The following PCDHGA10 variants were observed in gnomAD, a reference collection of about 807,000 sequenced individuals.
PCDHGA10 encodes protocadherin gamma-A10.
A neutral mutation model predicts 59.5 loss-of-function variants in PCDHGA10; 42 were observed. That is an observed-to-expected ratio of 0.71 (90% CI 0.55 to 0.91). PCDHGA10 has a LOEUF of 0.91. Among genes scored for constraint, PCDHGA10 ranks in the 40% least tolerant of loss-of-function variants. PCDHGA10 has a pLI of 0.00. For missense variants in PCDHGA10, 1,111 were observed against 1,198.2 expected (o/e 0.93, Z 1.07); for synonymous variants, 511 against 517.2 (o/e 0.99, Z 0.16).
At position 141,489,193 on chromosome 5, in the gene PCDHGA10, G is replaced by A; in HGVS notation, c.2437-5614G>A. The A allele has an allele frequency of 2.2e-6, 3 of 1,369,230 alleles. No individual in the cohort carries two copies. Among genetic ancestry groups the A allele is most frequent in the Non-Finnish European group, 3.0e-6 (3 of 1,000,290 alleles). 84.8% of individuals were successfully genotyped at this position (1,369,230 alleles called of 1,614,324 possible). On this transcript the variant is annotated intron_variant, in intron 1 of 3. Coordinates refer to ENST00000398610, the MANE Select transcript of PCDHGA10 (RefSeq NM_018913.3). The surrounding 1 kb of genome is among the most constrained non-coding windows in gnomAD (Gnocchi z 4.5). ...GCATTCCAAGCCCTGGGTCTACCTT[G>A]GAGACAGGACAGCACAGACTTACTC...
chr5:141,508,919 C>T (rs1166086266), intron 3 of PCDHGA10, among the ~76,000 whole-genome samples: 1 of 151,996 alleles, frequency 6.6e-6, no homozygotes, highest in Non-Finnish European at 1.5e-5. Context: ...GATCTGGCTT[C>T]CTTTTGGAGT....
intron 1 of PCDHGA10, chr5:141,423,760 G>A: frequency 1.1e-5 from 3 of 279,660 alleles, no homozygotes; most frequent in Non-Finnish European, 1.1e-5. Flanking sequence ...TGGGGGGGGG[G>A]TGGGGCGGCA....
At chr5:141,448,480 C>A (rs889742803) in intron 1 of PCDHGA10, among the ~76,000 whole-genome samples, 1 of 152,184 alleles carries the variant, frequency 6.6e-6, no homozygotes, top group Admixed American at 6.6e-5. Flanking sequence ...ACCCTTGCTT[C>A]CTCCTGTCCC....
chr5:141,509,785 C>T (rs1445220885), intron 3 of PCDHGA10, among the ~76,000 whole-genome samples: 1 of 152,166 alleles, frequency 6.6e-6, no homozygotes, highest in African/African-American at 2.4e-5. Context: ...CCGAGATCAT[C>T]ATCTCCTCAG....
In PCDHGA10 at chr5:141,414,421, A is replaced by AGGGAACAG. The variant is rs1486483287; in HGVS notation, c.1248_1255dup (p.Val419GlyfsTer11). On this transcript the variant is annotated frameshift_variant, in exon 1 of 4. Transcript: ENST00000398610. LOFTEE classifies it high-confidence loss of function. Reference sequence around the variant, plus strand: ...ATTGGTGATACACAGAGCCCTTGACAGGGAACAGGTATCCTCTTACAATAT... The same window carrying AGGGAACAG: ...ATTGGTGATACACAGAGCCCTTGACAGGGAACAGGGGAACAGGTATCCTCTTACAATAT... 6.2e-7 allele frequency: 1 copy of AGGGAACAG among 1,613,776 alleles called. No homozygotes were observed. The highest frequency in any genetic ancestry group is 8.5e-7 in the Non-Finnish European group (1 of 1,179,880).
In PCDHGA10 at chr5:141,414,732, T is replaced by G; in HGVS notation, c.1557T>G (p.Tyr519Ter). 1 of 1,614,186 alleles carries G rather than the reference T, an allele frequency of 6.2e-7. No homozygotes were observed. The highest frequency in any genetic ancestry group is 8.5e-7 in the Non-Finnish European group (1 of 1,180,018). Residue 519 changes from tyrosine (Y) to a stop codon, truncating the protein, a stop_gained, in exon 1 of 4, where the codon TAT becomes TAG. Transcript: ENST00000398610. LOFTEE classifies it high-confidence loss of function. The part of the protein sequence containing the change: ...ISINSDTGVL[Y>*]ALRSFDYEQF... ...TCAACTCAGACACTGGCGTCCTGTA[T>G]GCACTCAGATCCTTCGACTATGAGC...
rs148558897 is a variant in PCDHGA10, at chr5:141,489,890, G to A, written c.2437-4917G>A. On this transcript the variant is annotated intron_variant, in intron 1 of 3. Coordinates refer to ENST00000398610, the MANE Select transcript of PCDHGA10 (RefSeq NM_018913.3). The surrounding 1 kb of genome is among the most constrained non-coding windows in gnomAD (Gnocchi z 4.5). Reference sequence around the variant, plus strand: ...CAGCTGGTGCTTACTGCTGTGGATGGGGGGACCCCAGCCCGCTCAGGGACC... The same window carrying A: ...CAGCTGGTGCTTACTGCTGTGGATGAGGGGACCCCAGCCCGCTCAGGGACC... 6.2e-7 allele frequency: 1 copy of A among 1,614,198 alleles called. No homozygotes were observed. The highest frequency in any genetic ancestry group is 8.5e-7 in the Non-Finnish European group (1 of 1,180,028).
intron 1 of PCDHGA10, among the ~76,000 whole-genome samples, chr5:141,470,598 G>A (rs2099234276): frequency 6.6e-6 from 1 of 152,184 alleles, no homozygotes; most frequent in Admixed American, 6.5e-5. Flanking sequence ...GGCGACCTGT[G>A]CGGGGACACA....
In PCDHGA10 at chr5:141,476,533, A is replaced by G; in HGVS notation, c.2437-18274A>G. 6.2e-7 allele frequency: 1 copy of G among 1,614,184 alleles called. No individual in the cohort carries two copies. Among genetic ancestry groups the G allele is most frequent in the Non-Finnish European group, 8.5e-7 (1 of 1,180,022 alleles). On this transcript the variant is annotated intron_variant, in intron 1 of 3. Transcript: ENST00000398610. The surrounding 1 kb of genome is among the most constrained non-coding windows in gnomAD (Gnocchi z 7.6). ...ACAATCCTGCTTTCCCTACCCAGGA[A>G]ATGAAATTGGAGATTAGCGAGGCCG...
At chr5:141,497,878 C>T (rs553853040) in intron 2 of PCDHGA10, among the ~76,000 whole-genome samples, 32 of 152,256 alleles carry the variant, frequency 2.1e-4, no homozygotes, top group Non-Finnish European at 3.5e-4. Flanking sequence ...GTGAAATAAG[C>T]GTTAGGATCT....
In PCDHGA10 at chr5:141,476,258, G is replaced by A. The variant is rs1247889010; in HGVS notation, c.2437-18549G>A. 1 of 1,614,018 alleles carries A rather than the reference G, an allele frequency of 6.2e-7. No individual in the cohort carries two copies. Among genetic ancestry groups the A allele is most frequent in the South Asian group, 1.1e-5 (1 of 91,066 alleles). Reference sequence around the variant, plus strand: ...GGAAAGAGAGAAGGGTTTCGCTGTGGGCAACGTGGTCGCGAACCTTGGTTT... The same window carrying A: ...GGAAAGAGAGAAGGGTTTCGCTGTGAGCAACGTGGTCGCGAACCTTGGTTT... On this transcript the variant is annotated intron_variant, in intron 1 of 3. Coordinates refer to ENST00000398610, the MANE Select transcript of PCDHGA10 (RefSeq NM_018913.3). This position sits in a 1 kb window ranked among gnomAD's most constrained non-coding sequence, Gnocchi z 7.6.
intron 1 of PCDHGA10, among the ~76,000 whole-genome samples, chr5:141,449,339 G>T (rs1307731679): frequency 6.6e-6 from 1 of 151,930 alleles, no homozygotes; most frequent in Non-Finnish European, 1.5e-5. Context: ...AGGTGCAGTG[G>T]CTCACTCCTG....
chr5:141,510,817 T>C, intron 3 of PCDHGA10, 130 bp from the exon 4 acceptor site: 2 of 1,551,592 alleles, frequency 1.3e-6, no homozygotes, highest in African/African-American at 2.7e-5. Flanking sequence ...GTGACCCCTA[T>C]ATTCCCAGTG....
chr5:141,428,324 T>C, intron 1 of PCDHGA10: 1 of 642,806 alleles, frequency 1.6e-6, no homozygotes, highest in Non-Finnish European at 2.8e-6. Flanking sequence ...TTGGCCTTGA[T>C]TTCTATGCTC....
At position 141,432,395 on chromosome 5, in the gene PCDHGA10, G is replaced by A; in HGVS notation, c.2436+16784G>A. 6.2e-7 allele frequency: 1 copy of A among 1,614,240 alleles called. No individual in the cohort carries two copies. ...CGGGCACCCGCCCCTCAGCAGCAAC[G>A]TGTCGTTGAGCCTGTTCGTGCTGGA... On this transcript the variant is annotated intron_variant, in intron 1 of 3. Coordinates refer to ENST00000398610, the MANE Select transcript of PCDHGA10 (RefSeq NM_018913.3). This position sits in a 1 kb window ranked among gnomAD's most constrained non-coding sequence, Gnocchi z 6.0.
Position 141,510,999 on chromosome 5 carries a change from G to C in PCDHGA10, c.2637G>C (p.Leu879Phe). Residue 879 changes from leucine (L) to phenylalanine (F), a missense_variant, in exon 4 of 4, where the codon TTG (leucine) becomes TTC (phenylalanine). Coordinates refer to ENST00000398610, the MANE Select transcript of PCDHGA10 (RefSeq NM_018913.3). ...GAGGGGGTGCCGGCACCATGGGATT[G>C]AGCGCCCGCTACGGACCCCAGTTCA... ...TLGGGAGTMG[L>F]SARYGPQFTL... 6.2e-7 allele frequency: 1 copy of C among 1,614,144 alleles called. No homozygotes were observed. Among genetic ancestry groups the C allele is most frequent in the Non-Finnish European group, 8.5e-7 (1 of 1,180,008 alleles).
Position 141,489,624 on chromosome 5 carries a change from C to T in PCDHGA10, c.2437-5183C>T. 1 of 1,614,088 alleles carries T rather than the reference C, an allele frequency of 6.2e-7. No homozygotes were observed. On this transcript the variant is annotated intron_variant, in intron 1 of 3. Transcript: ENST00000398610. The surrounding 1 kb of genome is among the most constrained non-coding windows in gnomAD (Gnocchi z 4.5). Reference sequence around the variant, plus strand: ...AGGTAGAGATCCTGGATCTCAATGACAACTCTCCTAGCTTTGCCACCCCTG... The same window carrying T: ...AGGTAGAGATCCTGGATCTCAATGATAACTCTCCTAGCTTTGCCACCCCTG...
chr5:141,430,720 T>G, intron 1 of PCDHGA10: 1 of 1,486,390 alleles, frequency 6.7e-7, no homozygotes, highest in East Asian at 2.4e-5. Flanking sequence ...ACTTCAGTGG[T>G]TAAGGGCAGA....
rs762979829 is a variant in PCDHGA10, at chr5:141,432,863, T to A, written c.2436+17252T>A. 1 of 1,614,074 alleles carries A rather than the reference T, an allele frequency of 6.2e-7. No individual in the cohort carries two copies. Among genetic ancestry groups the A allele is most frequent in the East Asian group, 2.2e-5 (1 of 44,886 alleles). On this transcript the variant is annotated intron_variant, in intron 1 of 3. Coordinates refer to ENST00000398610, the MANE Select transcript of PCDHGA10 (RefSeq NM_018913.3). The surrounding 1 kb of genome is among the most constrained non-coding windows in gnomAD (Gnocchi z 6.0). ...GGTGGTAGCGGTGGCCGCGGTCTCCTGCGTCTTCCTGGCCTTCGTCATCTT... is the reference window on the plus strand; with the variant it reads ...GGTGGTAGCGGTGGCCGCGGTCTCCAGCGTCTTCCTGGCCTTCGTCATCTT...
Sources: allele counts gnomAD v4.1 joint callset (sites outside exome capture counted in the v4.1 genomes callset), GRCh38; gene constraint gnomAD v4.1.1; non-coding constraint Gnocchi (gnomAD v3.1); transcripts MANE v1.5; gene names NCBI Gene and HGNC (gene_info 2026-07-23, HGNC 2026-07-21).